Variants in EXOC4 observed in about 807,000 individuals in gnomAD.
EXOC4 encodes SEC8-like 1.
In EXOC4, 71 loss-of-function variants were observed where a neutral mutation model predicts 107.2. That is an observed-to-expected ratio of 0.66 (90% CI 0.55 to 0.81). EXOC4 has a LOEUF of 0.81. Ranked by LOEUF, EXOC4 falls within the 30% of genes least tolerant of loss-of-function variation. The pLI is 0.00. For synonymous variants in EXOC4, 456 were observed against 441.2 expected, an observed-to-expected ratio of 1.03 and a Z score of -0.42; for missense variants, 1,108 against 1,189.6, an observed-to-expected ratio of 0.93 and a Z score of 1.01.
intron 2 of EXOC4, among the ~76,000 whole-genome samples, chr7:133,288,318 T>C (rs1286558675): frequency 6.6e-6 from 1 of 152,176 alleles, no homozygotes. Context: ...GATCTACAGG[T>C]GGTGGAGATT....
intron 7 of EXOC4, among the ~76,000 whole-genome samples, chr7:133,428,301 C>T (rs1284040263): frequency 2.0e-5 from 3 of 152,230 alleles, no homozygotes; most frequent in Non-Finnish European, 4.4e-5. Flanking sequence ...GCCAACCACA[C>T]TGAGCGTTAA....
At position 133,558,189 on chromosome 7, in the gene EXOC4, C is replaced by CTCTTTTCTTTTCTTTTCTTTTCTTT. The variant is rs11275864; in HGVS notation, c.1418-71813_1418-71789dup. Among the ~76,000 whole-genome samples the CTCTTTTCTTTTCTTTTCTTTTCTTT allele has an allele frequency of 3.0e-3, 346 of 114,406 alleles. 10 individuals carry two copies. Among genetic ancestry groups the CTCTTTTCTTTTCTTTTCTTTTCTTT allele is most frequent in the South Asian group, 5.1e-3 (17 of 3,360 alleles). 75.1% of individuals were successfully genotyped at this position (114,406 alleles called of 152,430 possible). A position where few individuals can be genotyped will look rare whatever the true frequency, so the allele number is the denominator to read the frequency against. ...ATGCTAGCTGGTATTTTGGTTCCTT[C>CTCTTTTCTTTTCTTTTCTTTTCTTT]TCTTTTCTTTTCTTTTCTTTTCTTT... On this transcript the variant is annotated intron_variant, in intron 9 of 17. Transcript: ENST00000253861.
chr7:133,756,032 C>A (rs925541771), intron 10 of EXOC4, among the ~76,000 whole-genome samples: 1 of 152,154 alleles, frequency 6.6e-6, no homozygotes, highest in East Asian at 1.9e-4. Context: ...CCCAACATAA[C>A]TTCTTTTAGT....
At chr7:133,394,177 A>G (rs1054775720) in intron 7 of EXOC4, among the ~76,000 whole-genome samples, 3 of 152,242 alleles carry the variant, frequency 2.0e-5, no homozygotes, top group African/African-American at 7.2e-5. Context: ...TATCATTTCT[A>G]TCATGGGTGT....
At chr7:133,928,709 A>G (rs1800106341) in intron 13 of EXOC4, among the ~76,000 whole-genome samples, 1 of 152,096 alleles carries the variant, frequency 6.6e-6, no homozygotes, top group Non-Finnish European at 1.5e-5. Context: ...AGGGAAAAAT[A>G]TGGATAAACC....
rs185800203 is a variant in EXOC4, at chr7:133,797,778, C to G, written c.1515-19547C>G. 3.7e-3 allele frequency among the ~76,000 whole-genome samples: 565 copies of G among 152,316 alleles called. 4 individuals carry two copies. The highest frequency in any genetic ancestry group is 0.013 in the African/African-American group (535 of 41,558). ...AGAGCTAGACAGTTCCACAAGCTTACATTTATTCAGCAAGTTCCTAAATAG... is the reference window on the plus strand; with the variant it reads ...AGAGCTAGACAGTTCCACAAGCTTAGATTTATTCAGCAAGTTCCTAAATAG... On this transcript the variant is annotated intron_variant, in intron 10 of 17. Coordinates refer to ENST00000253861, the MANE Select transcript of EXOC4 (RefSeq NM_021807.4).
chr7:133,464,846 G>A lies in EXOC4; in HGVS notation c.1183-10482G>A, dbSNP rs180804688. 3.3e-3 allele frequency among the ~76,000 whole-genome samples: 292 copies of A among 88,532 alleles called. 1 individual carries two copies. Among genetic ancestry groups the A allele is most frequent in the Non-Finnish European group, 4.7e-3 (228 of 48,130 alleles). The allele number at this position is 88,532 out of a possible 152,430, so 58.1% of individuals were successfully genotyped here. On this transcript the variant is annotated intron_variant, in intron 7 of 17. Transcript: ENST00000253861. ...TTTTTTTTTTTTTTTTGGAGTTAGG[G>A]TCTCACTCTGTCACCCAGACTGGAG... is the stretch of plus-strand genomic sequence containing the variant.
intron 10 of EXOC4, among the ~76,000 whole-genome samples, chr7:133,800,414 CT>C (rs1441265448): frequency 2.0e-5 from 3 of 152,160 alleles, no homozygotes; most frequent in African/African-American, 7.2e-5. Flanking sequence ...GGGAGTCGTT[CT>C]ATTTCTTAAG....
intron 7 of EXOC4, among the ~76,000 whole-genome samples, chr7:133,416,967 A>G (rs17167070): frequency 0.1 from 15,394 of 152,182 alleles, 1,008 homozygotes; most frequent in South Asian, 0.22. Flanking sequence ...GAGTGAAGAA[A>G]TGAAAGACAG....
chr7:133,886,897 A>G (rs1799098047), intron 11 of EXOC4, among the ~76,000 whole-genome samples: 1 of 152,172 alleles, frequency 6.6e-6, no homozygotes, highest in South Asian at 2.1e-4. Flanking sequence ...TTTTCCCTGT[A>G]AAAATACCCA....
intron 10 of EXOC4, among the ~76,000 whole-genome samples, chr7:133,739,262 GTA>G (rs1554394878): frequency 6.7e-6 from 1 of 148,580 alleles, no homozygotes; most frequent in Non-Finnish European, 1.5e-5. Context: ...GTGTGTGTGT[GTA>G]TAAAAAGAGA....
chr7:133,546,294 T>C (rs895969575), intron 9 of EXOC4, among the ~76,000 whole-genome samples: 2 of 149,602 alleles, frequency 1.3e-5, no homozygotes, highest in African/African-American at 4.9e-5. Context: ...TCTTGCTCTG[T>C]CACCCAGGCT....
intron 17 of EXOC4, among the ~76,000 whole-genome samples, chr7:134,041,665 C>A (rs1425214490): frequency 6.6e-6 from 1 of 152,010 alleles, no homozygotes; most frequent in Non-Finnish European, 1.5e-5. Context: ...TATTATAGAA[C>A]TAATTAAAGA....
intron 1 of EXOC4, among the ~76,000 whole-genome samples, chr7:133,258,278 G>A (rs368376353): frequency 5.9e-5 from 9 of 152,174 alleles, no homozygotes; most frequent in African/African-American, 1.4e-4. Flanking sequence ...AGTGTACCTC[G>A]TGTAACTGTT....
chr7:133,797,790 A>T (rs1796848261), intron 10 of EXOC4, among the ~76,000 whole-genome samples: 1 of 152,230 alleles, frequency 6.6e-6, no homozygotes, highest in African/African-American at 2.4e-5. Context: ...TTTATTCAGC[A>T]AGTTCCTAAA....
At chr7:133,453,588 G>A (rs1373706814) in intron 7 of EXOC4, among the ~76,000 whole-genome samples, 1 of 151,530 alleles carries the variant, frequency 6.6e-6, no homozygotes, top group Non-Finnish European at 1.5e-5. Context: ...CTCCTTAATT[G>A]TTTTTTTTCC....
chr7:133,904,500 CAGG>C (rs1481875351), intron 12 of EXOC4, among the ~76,000 whole-genome samples: 1 of 152,168 alleles, frequency 6.6e-6, no homozygotes, highest in East Asian at 1.9e-4. Flanking sequence ...TTCTGGTCAT[CAGG>C]AGCATTTTGA....
chr7:133,427,097 G>A (rs893454140), intron 7 of EXOC4, among the ~76,000 whole-genome samples: 2 of 152,044 alleles, frequency 1.3e-5, no homozygotes, highest in Non-Finnish European at 2.9e-5. Flanking sequence ...AAGGTGATTC[G>A]ATGAGTTGTT....
chr7:133,644,635 A>G (rs1216046600), intron 10 of EXOC4, among the ~76,000 whole-genome samples: 3 of 152,174 alleles, frequency 2.0e-5, no homozygotes, highest in Admixed American at 6.5e-5. Context: ...TTAAAGTGAC[A>G]TGGTATTAGA....
Sources: gnomAD v4.1 joint callset for allele counts (sites outside exome capture counted in the v4.1 genomes callset) on GRCh38, gnomAD v4.1.1 for gene constraint, MANE v1.5 for transcripts, NCBI Gene and HGNC (gene_info 2026-07-23, HGNC 2026-07-21) for gene names.